The following RAD52 variants were observed in gnomAD, a reference collection of about 807,000 sequenced individuals.
RAD52 encodes the protein RAD52 DNA repair protein.
RAD52 carries 47 observed loss-of-function variants against 55.5 expected under a neutral mutation model. That is an observed-to-expected ratio of 0.85 (90% CI 0.67 to 1.08). The LOEUF is 1.08. Among genes scored for constraint, RAD52 ranks in the 50% least tolerant of loss-of-function variants. The probability of loss-of-function intolerance (pLI) is 0.00; values close to 1 mark genes in which losing one functional copy is unlikely to be tolerated. For synonymous variants in RAD52, 184 were observed against 198.9 expected (o/e 0.92, Z 0.63); for missense variants, 468 against 522.8 (o/e 0.90, Z 1.02).
chr12:983,957 T>C (rs114764239), intron 1 of RAD52, among the ~76,000 whole-genome samples: 6,063 of 152,284 alleles, frequency 0.04, 140 homozygotes, highest in Middle Eastern at 0.075. Context: ...TGGATGCACA[T>C]AAGTTTTAAA....
At chr12:921,615 G>A (rs573451376) in intron 7 of RAD52, among the ~76,000 whole-genome samples, 30 of 152,222 alleles carry the variant, frequency 2.0e-4, no homozygotes, top group African/African-American at 6.5e-4. Flanking sequence ...AGCCCAGGAT[G>A]TCGAGGCTCC....
In RAD52 at chr12:916,663, G is replaced by C; in HGVS notation, c.701C>G (p.Pro234Arg). 1 of 1,613,944 alleles carries C rather than the reference G, an allele frequency of 6.2e-7. No individual in the cohort carries two copies. The highest frequency in any genetic ancestry group is 8.5e-7 in the Non-Finnish European group (1 of 1,179,892). ...CCGGGAGCTGCAGTCCTGGTCCGCC[G>C]GTATCACAGCATGGCTGGGTCTGGA... ...SPSRPSHAVI[P>R]ADQDCSSRSL... is the part of the protein sequence containing the mutation. The change falls in exon 8 of 12, where the codon CCG becomes CGG. Residue 234 changes from proline (P) to arginine (R), a missense_variant. Coordinates refer to ENST00000358495, the MANE Select transcript of RAD52 (RefSeq NM_134424.4).
At chr12:947,339 A>G (rs928267902) in intron 1 of RAD52, among the ~76,000 whole-genome samples, 5 of 148,688 alleles carry the variant, frequency 3.4e-5, no homozygotes, top group Non-Finnish European at 5.9e-5. Context: ...CAAAAAAACA[A>G]CAGACAAACA....
chr12:971,815 T>C lies in RAD52; in HGVS notation c.-19+17994A>G, dbSNP rs1006611913. On this transcript the variant is annotated intron_variant, in intron 1 of 11. Transcript: ENST00000430095. ...CAGGCTGGAGTGCAGTGGCGCGATC[T>C]CGGCTCACTGCAGGCTCCGCCCCCC... 2.0e-5 allele frequency among the ~76,000 whole-genome samples: 3 copies of C among 151,860 alleles called. No homozygotes were observed. The East Asian group carries it at 5.8e-4, about 29-fold the overall frequency.
chr12:927,593 G>A (rs1298499640), intron 5 of RAD52, among the ~76,000 whole-genome samples: 1 of 152,146 alleles, frequency 6.6e-6, no homozygotes, highest in Non-Finnish European at 1.5e-5. Context: ...CGGGCCGGGC[G>A]TGGTGGCTCA....
At chr12:926,764 G>C in intron 6 of RAD52, 1 of 1,519,872 alleles carries the variant, frequency 6.6e-7, no homozygotes, top group Non-Finnish European at 8.8e-7. Flanking sequence ...ACGGACATCT[G>C]CGTGACTGTG....
At position 979,948 on chromosome 12, in the gene RAD52, G is replaced by A. The variant is rs555694097; in HGVS notation, c.-19+9861C>T. On this transcript the variant is annotated intron_variant, in intron 1 of 11. Transcript: ENST00000430095. ...TGTAGTCCCAGCTACTCGGGAGGCC[G>A]AGGCAGGAGAATGGCATGAACCTGG... Among the ~76,000 whole-genome samples the A allele has an allele frequency of 1.7e-3, 262 of 152,084 alleles. 1 individual carries two copies. The highest frequency in any genetic ancestry group is 3.3e-3 in the Non-Finnish European group (224 of 67,992).
In RAD52 at chr12:913,442, T is replaced by G. The variant is rs757821898; in HGVS notation, c.1206A>C (p.Glu402Asp). The change falls in exon 12 of 12, where the codon GAA becomes GAC. Residue 402 changes from glutamate to aspartate, a missense_variant. Glu to Asp is a conservative substitution (Grantham distance 45). Transcript: ENST00000358495. ...TCATGTCCTGGCTCTTCCTATGAGA[T>G]TCCCAGTTTCCTATGGAAGACAAAA... ...SADQRTTGNW[E>D]SHRKSQDMKK... The G allele has an allele frequency of 1.9e-6, 3 of 1,603,442 alleles. No individual in the cohort carries two copies. In the African/African-American group the frequency reaches 4.0e-5, roughly 21 times the overall value.
intron 1 of RAD52, among the ~76,000 whole-genome samples, chr12:942,615 C>T (rs944992014): frequency 2.6e-5 from 4 of 152,036 alleles, no homozygotes; most frequent in Non-Finnish European, 5.9e-5. Flanking sequence ...GGCATGGTGG[C>T]GCATGTCTGT....
intron 1 of RAD52, among the ~76,000 whole-genome samples, chr12:937,137 A>G (rs1957679142): frequency 6.6e-6 from 1 of 152,176 alleles, no homozygotes; most frequent in African/African-American, 2.4e-5. Flanking sequence ...CTTCCTTTAG[A>G]TGGATTGCCC....
At chr12:916,595 AC>A in intron 8 of RAD52, 43 bp downstream of exon 8, 5 of 1,598,960 alleles carry the variant, frequency 3.1e-6, no homozygotes, top group Non-Finnish European at 3.4e-6. Flanking sequence ...GCCCCGTGAC[AC>A]AGGAGGGGCC....
At chr12:956,191 C>T (rs1195489735) in intron 1 of RAD52, among the ~76,000 whole-genome samples, 3 of 152,128 alleles carry the variant, frequency 2.0e-5, no homozygotes, top group South Asian at 2.1e-4. Context: ...TTTAGCACTA[C>T]GACAGCCATC....
chr12:914,486 G>A lies in RAD52; in HGVS notation c.912C>T (p.Val304=). ...AGTCTTTCTCCAGGAGTGGTTCTGA[G>A]ACAGTTACAGGAGTGCTGTGCGTCA... The part of the protein sequence containing the change: ...PPVTHSTPVT[V]SEPLLEKDFL... Residue 304 remains valine, a synonymous_variant, in exon 10 of 12, where the codon GTC becomes GTT. Transcript: ENST00000358495. 2 of 1,613,688 alleles carry A rather than the reference G, an allele frequency of 1.2e-6. No homozygotes were observed. The highest frequency in any genetic ancestry group is 1.3e-5 in the African/African-American group (1 of 75,042).
chr12:919,419 A>T (rs983926432), intron 7 of RAD52, among the ~76,000 whole-genome samples: 7 of 151,820 alleles, frequency 4.6e-5, no homozygotes, highest in African/African-American at 1.7e-4. Context: ...AGCCTCGGTG[A>T]CAAGAGTGAA....
At chr12:941,410 C>CTGAG (rs2154117590) in intron 1 of RAD52, among the ~76,000 whole-genome samples, 2 of 151,638 alleles carry the variant, frequency 1.3e-5, no homozygotes, top group East Asian at 3.9e-4. Flanking sequence ...CCTCTGCCTC[C>CTGAG]CAGGTTCAAG....
upstream of RAD52, among the ~76,000 whole-genome samples, chr12:950,283 C>G (rs1374761768): frequency 5.9e-5 from 9 of 152,120 alleles, no homozygotes; most frequent in Non-Finnish European, 1.3e-4. Flanking sequence ...TCTAGAATGT[C>G]CCCTGGGGCC....
chr12:934,363 T>TGA (rs1228308293), intron 1 of RAD52, among the ~76,000 whole-genome samples: 4 of 150,388 alleles, frequency 2.7e-5, no homozygotes, highest in African/African-American at 9.8e-5. Context: ...CTTGGGAGGC[T>TGA]GAGGTAGGAG....
intron 10 of RAD52, 58 bp downstream of exon 10, chr12:914,373 T>G (rs540143505): frequency 1.9e-6 from 3 of 1,600,972 alleles, no homozygotes; most frequent in East Asian, 2.2e-5. Flanking sequence ...CTAAAAGGTA[T>G]TCTGTGGCTA....
intron 5 of RAD52, among the ~76,000 whole-genome samples, chr12:928,083 A>G (rs937865137): frequency 6.6e-6 from 1 of 152,004 alleles, no homozygotes; most frequent in Non-Finnish European, 1.5e-5. Flanking sequence ...AAAATAACTC[A>G]GAAAGCACTC....
Sources: allele counts gnomAD v4.1 joint callset (sites outside exome capture counted in the v4.1 genomes callset), GRCh38; gene constraint gnomAD v4.1.1; transcripts MANE v1.5; gene names NCBI Gene and HGNC (gene_info 2026-07-23, HGNC 2026-07-21).